The following SMARCC1 variants were observed in gnomAD, a reference collection of about 807,000 sequenced individuals.
SMARCC1 encodes the protein SWI/SNF complex subunit SMARCC1.
Under a neutral mutation model 147.4 loss-of-function variants are expected in SMARCC1, and 43 were observed. The ratio of observed to expected loss-of-function variants is 0.29; its 90% CI spans 0.23 to 0.38. The LOEUF (loss-of-function observed/expected upper bound fraction) is 0.38. SMARCC1 is among the 10% of genes least tolerant of loss of function. The pLI is 1.00. For missense variants in SMARCC1, 1,119 were observed against 1,381.1 expected, an observed-to-expected ratio of 0.81 and a Z score of 3.01; for synonymous variants, 495 against 484.4, an observed-to-expected ratio of 1.02 and a Z score of -0.29.
rs796811233 is a variant in SMARCC1 at position 47,759,618 on chromosome 3, CA to C, written c.315+13198del. 1.8e-3 allele frequency among the ~76,000 whole-genome samples: 118 copies of C among 63,792 alleles called. 1 individual carries two copies. Among genetic ancestry groups the C allele is most frequent in the Admixed American group, 3.5e-3 (20 of 5,678 alleles). The allele number at this position is 63,792 out of a possible 152,430, so 41.9% of individuals were successfully genotyped here. On this transcript the variant is annotated intron_variant, in intron 2 of 27. Transcript: ENST00000254480. ...TCTGGGACAGAGCTAGACTCCGTCT[CA>C]AAAAAAAAAAAAAAAAAGAAAAAGA...
intron 26 of SMARCC1, chr3:47,604,566 G>A: frequency 6.5e-6 from 2 of 308,494 alleles, no homozygotes; most frequent in South Asian, 2.9e-5. Context: ...AAATGCTACG[G>A]ACAATCTTAC....
intron 12 of SMARCC1, 114 bp from the exon 13 acceptor site, chr3:47,689,538 G>T: frequency 1.1e-6 from 1 of 871,508 alleles, no homozygotes; most frequent in Non-Finnish European, 1.9e-6. Flanking sequence ...ATGAAATAGT[G>T]CATTATTAAA....
chr3:47,600,998 T>TGAGA (rs66582985), intron 26 of SMARCC1, among the ~76,000 whole-genome samples: 5,136 of 84,902 alleles, frequency 0.06, 632 homozygotes, highest in African/African-American at 0.067. Context: ...AGGAAGAAAA[T>TGAGA]GAGAGAGAGA....
intron 11 of SMARCC1, among the ~76,000 whole-genome samples, chr3:47,698,538 A>G (rs1273182459): frequency 6.6e-6 from 1 of 152,144 alleles, no homozygotes; most frequent in Non-Finnish European, 1.5e-5. Flanking sequence ...TACACGGCCA[A>G]AAATTAAGGA....
intron 14 of SMARCC1, among the ~76,000 whole-genome samples, chr3:47,683,082 G>A (rs187238645): frequency 1.3e-4 from 20 of 152,200 alleles, no homozygotes; most frequent in Middle Eastern, 3.4e-3. Context: ...TCGCTCTGTC[G>A]CCCAGGCTGG....
At chr3:47,749,507 T>C (rs2034602460) in intron 2 of SMARCC1, among the ~76,000 whole-genome samples, 1 of 150,604 alleles carries the variant, frequency 6.6e-6, no homozygotes, top group Non-Finnish European at 1.5e-5. Flanking sequence ...AAATAAATTA[T>C]AAAACAAAAA....
At chr3:47,739,074 A>G (rs557053269) in intron 3 of SMARCC1, among the ~76,000 whole-genome samples, 27 of 152,296 alleles carry the variant, frequency 1.8e-4, no homozygotes, top group African/African-American at 6.5e-4. Context: ...TTTATTCAAT[A>G]CCTACTTTGT....
rs1402291839 is a variant in SMARCC1, at chr3:47,635,175, C to T, written c.2646+15G>A. On this transcript the variant is annotated intron_variant, in intron 24 of 27. Transcript: ENST00000254480. The stretch of plus-strand genomic sequence containing the variant: ...GCCTTAAGAGAGCACTGGAAAAGGG[C>T]TGTCAGGGGCAAACCTTGGCTTTGG... 6 of 1,611,588 alleles carry T rather than the reference C, an allele frequency of 3.7e-6. No homozygotes were observed. The highest frequency in any genetic ancestry group is 1.1e-5 in the South Asian group (1 of 90,972).
chr3:47,598,850 AAGAG>A (rs1251274483), intron 26 of SMARCC1, among the ~76,000 whole-genome samples: 1 of 39,706 alleles, frequency 2.5e-5, no homozygotes, highest in African/African-American at 7.7e-5. Context: ...AAAAAAAAAA[AAGAG>A]AGAGAGAGAC....
intron 2 of SMARCC1, among the ~76,000 whole-genome samples, chr3:47,767,542 C>A (rs1359594926): frequency 7.0e-6 from 1 of 143,704 alleles, no homozygotes; most frequent in Non-Finnish European, 1.5e-5. Flanking sequence ...CACCCAGCCT[C>A]CACTCTGATT....
At chr3:47,706,731 A>C (rs1024095878) in intron 9 of SMARCC1, among the ~76,000 whole-genome samples, 1 of 152,238 alleles carries the variant, frequency 6.6e-6, no homozygotes, top group Non-Finnish European at 1.5e-5. Flanking sequence ...TATATCATCA[A>C]TGGAAATATC....
chr3:47,766,095 AAG>A (rs2034837299), intron 2 of SMARCC1, among the ~76,000 whole-genome samples: 2 of 152,120 alleles, frequency 1.3e-5, no homozygotes, highest in South Asian at 4.1e-4. Flanking sequence ...ACATGTTCTC[AAG>A]ATCTCCTGGA....
chr3:47,677,241 AGGT>A (rs1559642395), intron 16 of SMARCC1, among the ~76,000 whole-genome samples: 1 of 152,088 alleles, frequency 6.6e-6, no homozygotes, highest in Non-Finnish European at 1.5e-5. Flanking sequence ...CTGGGATTAC[AGGT>A]GACCATCACC....
intron 26 of SMARCC1, among the ~76,000 whole-genome samples, chr3:47,595,206 T>C (rs2032252564): frequency 1.3e-5 from 2 of 152,260 alleles, no homozygotes; most frequent in African/African-American, 2.4e-5. Context: ...TAGGAAAGTT[T>C]GTGTACGGGT....
intron 26 of SMARCC1, among the ~76,000 whole-genome samples, chr3:47,607,033 A>G (rs1201372490): frequency 2.0e-5 from 3 of 152,140 alleles, no homozygotes; most frequent in African/African-American, 4.8e-5. Flanking sequence ...TAATTTTTAA[A>G]TAACTATTGT....
At chr3:47,738,613 G>A (rs151231939) in intron 3 of SMARCC1, among the ~76,000 whole-genome samples, 2,317 of 152,206 alleles carry the variant, frequency 0.015, 33 homozygotes, top group Middle Eastern at 0.031. Flanking sequence ...GAACCCGAGA[G>A]GCGGAGGTTG....
intron 26 of SMARCC1, among the ~76,000 whole-genome samples, chr3:47,607,945 T>C (rs1022569548): frequency 6.6e-6 from 1 of 152,148 alleles, no homozygotes; most frequent in Non-Finnish European, 1.5e-5. Context: ...ATTAAAAAAT[T>C]TATAATTTTA....
At chr3:47,623,827 T>C (rs2032769076) in intron 24 of SMARCC1, among the ~76,000 whole-genome samples, 1 of 152,138 alleles carries the variant, frequency 6.6e-6, no homozygotes, top group African/African-American at 2.4e-5. Context: ...TTCTGGTCTA[T>C]TTTTATGAGA....
chr3:47,774,126 A>G (rs887292704), intron 1 of SMARCC1, among the ~76,000 whole-genome samples: 1 of 152,120 alleles, frequency 6.6e-6, no homozygotes, highest in Non-Finnish European at 1.5e-5. Flanking sequence ...TGTATGGTCA[A>G]AATTACATCA....
Sources: gnomAD v4.1 joint callset for allele counts (sites outside exome capture counted in the v4.1 genomes callset) on GRCh38, gnomAD v4.1.1 for gene constraint, MANE v1.5 for transcripts, NCBI Gene and HGNC (gene_info 2026-07-23, HGNC 2026-07-21) for gene names.